Variants in TMEM38B observed in about 807,000 individuals in gnomAD.
TMEM38B encodes transmembrane protein 38B.
TMEM38B carries 24 observed loss-of-function variants against 28.7 expected under a neutral mutation model. The ratio of observed to expected loss-of-function variants is 0.84; its 90% CI spans 0.61 to 1.18. TMEM38B has a LOEUF of 1.18. Ranked by LOEUF, TMEM38B falls within the 50% of genes most tolerant of loss-of-function variation. The pLI, the probability that TMEM38B is intolerant of heterozygous loss-of-function variation, is 0.00. For missense variants in TMEM38B, 380 were observed against 350.9 expected, an observed-to-expected ratio of 1.08 and a Z score of -0.66; for synonymous variants, 131 against 127.7, an observed-to-expected ratio of 1.03 and a Z score of -0.17.
chr9:105,722,630 G>C lies in TMEM38B; in HGVS notation c.542+9G>C. On this transcript the variant is annotated intron_variant, in intron 4 of 5. Transcript: ENST00000374692. ...TGGCTGAAGATGTCATAGTAAGTTGGTATAAATTATACTGAGACCTAGATG... is the reference window on the plus strand; with the variant it reads ...TGGCTGAAGATGTCATAGTAAGTTGCTATAAATTATACTGAGACCTAGATG... 1 of 1,608,580 alleles carries C rather than the reference G, an allele frequency of 6.2e-7. No individual in the cohort carries two copies. Among genetic ancestry groups the C allele is most frequent in the Non-Finnish European group, 8.5e-7 (1 of 1,175,314 alleles).
chr9:105,720,884 A>T (rs937212860), intron 2 of TMEM38B, among the ~76,000 whole-genome samples: 1 of 152,160 alleles, frequency 6.6e-6, no homozygotes, highest in African/African-American at 2.4e-5. Flanking sequence ...ATAATTTACC[A>T]TAGATGGGAT....
chr9:105,730,921 T>C (rs963128382), intron 4 of TMEM38B, among the ~76,000 whole-genome samples: 1 of 152,204 alleles, frequency 6.6e-6, no homozygotes, highest in Non-Finnish European at 1.5e-5. Flanking sequence ...ATCCCCTTTA[T>C]CATTTTTTAT....
chr9:105,698,195 T>C (rs1835351157), intron 1 of TMEM38B, among the ~76,000 whole-genome samples: 1 of 152,030 alleles, frequency 6.6e-6, no homozygotes, highest in Non-Finnish European at 1.5e-5. Flanking sequence ...TTGCTGCTTG[T>C]AGCCAAGAAC....
At chr9:105,758,587 T>A in intron 5 of TMEM38B, 1 of 1,028,594 alleles carries the variant, frequency 9.7e-7, no homozygotes, top group Non-Finnish European at 1.5e-6. Context: ...ATTGAAGATA[T>A]CAAAGGCAGG....
intron 5 of TMEM38B, chr9:105,758,851 T>G: frequency 3.1e-6 from 3 of 970,636 alleles, no homozygotes; most frequent in Non-Finnish European, 5.0e-6. Flanking sequence ...GAAAATGCAG[T>G]TGATAATAGA....
At chr9:105,764,308 G>A (rs948760497) in intron 5 of TMEM38B, among the ~76,000 whole-genome samples, 1 of 151,910 alleles carries the variant, frequency 6.6e-6, no homozygotes. Flanking sequence ...GTTTGCAGAC[G>A]ACATGATTGT....
chr9:105,768,308 TG>T (rs746459511), intron 5 of TMEM38B, among the ~76,000 whole-genome samples: 6 of 152,124 alleles, frequency 3.9e-5, no homozygotes, highest in Non-Finnish European at 8.8e-5. Context: ...GTATCCTTTT[TG>T]CATATTACTG....
At chr9:105,738,106 C>T (rs1345988195) in intron 4 of TMEM38B, among the ~76,000 whole-genome samples, 1 of 152,136 alleles carries the variant, frequency 6.6e-6, no homozygotes, top group Non-Finnish European at 1.5e-5. Context: ...TGGTGTAGCA[C>T]AGTAGCAGGT....
intron 5 of TMEM38B, among the ~76,000 whole-genome samples, 159 bp from the exon 6 acceptor site, chr9:105,773,706 A>C (rs1826633748): frequency 6.6e-6 from 1 of 152,146 alleles, no homozygotes; most frequent in African/African-American, 2.4e-5. Flanking sequence ...ATTAAGTAGA[A>C]TCTCATGGAG....
At position 105,774,063 on chromosome 9, in the gene TMEM38B, A is replaced by G. The variant is rs1350423789; in HGVS notation, c.859A>G (p.Thr287Ala). 1.2e-6 allele frequency: 2 copies of G among 1,613,440 alleles called. No individual in the cohort carries two copies. Among genetic ancestry groups the G allele is most frequent in the Admixed American group, 1.7e-5 (1 of 59,858 alleles). The change falls in exon 6 of 6, where the codon ACT (threonine) becomes GCT (alanine). Residue 287 changes from threonine (T) to alanine (A), a missense_variant. Coordinates refer to ENST00000374692, the MANE Select transcript of TMEM38B (RefSeq NM_018112.3). ...CTCAGATAATGTTAAAAAGAAACAT[A>G]CTAAGAAGAATGAATAAATTTACGT... ...VASDNVKKKH[T>A]KKNE
At chr9:105,756,528 T>C (rs1027204244) in intron 5 of TMEM38B, among the ~76,000 whole-genome samples, 5 of 152,336 alleles carry the variant, frequency 3.3e-5, no homozygotes, top group East Asian at 1.9e-4. Flanking sequence ...AAAATGAATG[T>C]GTATTATGGG....
At chr9:105,734,035 G>C (rs929778983) in intron 4 of TMEM38B, among the ~76,000 whole-genome samples, 1 of 150,898 alleles carries the variant, frequency 6.6e-6, no homozygotes, top group African/African-American at 2.4e-5. Context: ...CATAATGTTA[G>C]TTATTTATTT....
chr9:105,698,872 T>C (rs1835368949), intron 1 of TMEM38B, among the ~76,000 whole-genome samples: 1 of 152,014 alleles, frequency 6.6e-6, no homozygotes, highest in South Asian at 2.1e-4. Flanking sequence ...GTAAATCTTA[T>C]TTTTTTTCCA....
chr9:105,712,672 A>G (rs1835948551), intron 2 of TMEM38B, among the ~76,000 whole-genome samples: 1 of 152,210 alleles, frequency 6.6e-6, no homozygotes, highest in African/African-American at 2.4e-5. Flanking sequence ...AAATGAAGAT[A>G]GTCTAGTTTT....
At chr9:105,703,129 T>C (rs1482295806) in intron 1 of TMEM38B, among the ~76,000 whole-genome samples, 2 of 152,258 alleles carry the variant, frequency 1.3e-5, no homozygotes, top group African/African-American at 4.8e-5. Flanking sequence ...TTCAAACATC[T>C]TAAGGTAGGA....
chr9:105,747,243 T>C (rs2133616594), intron 4 of TMEM38B, among the ~76,000 whole-genome samples: 1 of 152,348 alleles, frequency 6.6e-6, no homozygotes, highest in Non-Finnish European at 1.5e-5. Flanking sequence ...AATTATTGCC[T>C]CAATTTCAGA....
In TMEM38B at chr9:105,694,573, C is replaced by A. The variant is rs910332973; in HGVS notation, c.-88C>A. 1.3e-4 allele frequency: 132 copies of A among 981,192 alleles called. No homozygotes were observed. Among genetic ancestry groups the A allele is most frequent in the Non-Finnish European group, 1.7e-4 (116 of 668,646 alleles). 60.8% of individuals were successfully genotyped at this position (981,192 alleles called of 1,614,324 possible). A position where few individuals can be genotyped will look rare whatever the true frequency, so the allele number is the denominator to read the frequency against. ...GAGCCGGCGCGGAGGAGCGGGCGGC[C>A]GCGGCTGTGCCCTCTCCTACTCCTC... On this transcript the variant is annotated 5_prime_UTR_variant, in exon 1 of 6. Transcript: ENST00000374692.
chr9:105,694,809 T>A, intron 1 of TMEM38B, 37 bp downstream of exon 1: 5 of 1,081,856 alleles, frequency 4.6e-6, no homozygotes, highest in Non-Finnish European at 6.3e-6. Context: ...CCCCTCAGAG[T>A]GCTCCTGACG....
At chr9:105,732,522 C>T (rs551122679) in intron 4 of TMEM38B, among the ~76,000 whole-genome samples, 1 of 152,184 alleles carries the variant, frequency 6.6e-6, no homozygotes, top group Non-Finnish European at 1.5e-5. Flanking sequence ...CTGTTTTCTA[C>T]ATGTGGCTAG....
Sources: gnomAD v4.1 joint callset for allele counts (sites outside exome capture counted in the v4.1 genomes callset) on GRCh38, gnomAD v4.1.1 for gene constraint, MANE v1.5 for transcripts, NCBI Gene and HGNC (gene_info 2026-07-23, HGNC 2026-07-21) for gene names.